Variants in RNF220 observed in about 807,000 individuals in gnomAD.
The protein encoded by RNF220 is ring finger protein 220, also known as E3 ubiquitin-protein ligase RNF220.
In RNF220, 7 loss-of-function variants were observed where a neutral mutation model predicts 67.1. That is an observed-to-expected ratio of 0.10 (90% CI 0.06 to 0.20). The LOEUF is 0.20. RNF220 is among the 10% of genes least tolerant of loss of function. The pLI, the probability that RNF220 is intolerant of heterozygous loss-of-function variation, is 1.00. For missense variants in RNF220, 565 were observed against 740.3 expected (o/e 0.76, Z 2.75); for synonymous variants, 270 against 283.2 (o/e 0.95, Z 0.47).
chr1:44,439,971 A>G (rs1358395862), intron 2 of RNF220, among the ~76,000 whole-genome samples: 1 of 152,194 alleles, frequency 6.6e-6, no homozygotes, highest in African/African-American at 2.4e-5. Flanking sequence ...GGGACACAGG[A>G]TATGCATCCT....
intron 2 of RNF220, among the ~76,000 whole-genome samples, chr1:44,511,916 C>CGTGTGTGTGTGTGTGTGTGTGT (rs71728249): frequency 1.2e-4 from 18 of 147,766 alleles, no homozygotes; most frequent in African/African-American, 3.3e-4. Context: ...CGTGTGTGTG[C>CGTGTGTGTGTGTGTGTGTGTGT]GTGTGTGTGT....
intron 2 of RNF220, among the ~76,000 whole-genome samples, chr1:44,555,356 C>T (rs1370444349): frequency 6.6e-6 from 1 of 152,124 alleles, no homozygotes; most frequent in East Asian, 1.9e-4. Flanking sequence ...GGGTGAGCCA[C>T]TCCACCCGGC....
At chr1:44,586,767 C>T (rs989266030) in intron 2 of RNF220, among the ~76,000 whole-genome samples, 4 of 152,106 alleles carry the variant, frequency 2.6e-5, no homozygotes, top group Admixed American at 2.0e-4. Context: ...ATCGCAAGGG[C>T]AAGGTCCCTG....
intron 2 of RNF220, among the ~76,000 whole-genome samples, chr1:44,506,550 G>A (rs1257612645): frequency 2.0e-5 from 3 of 152,236 alleles, no homozygotes; most frequent in African/African-American, 7.2e-5. Flanking sequence ...TGCCCCTGGG[G>A]GTCATCTATC....
At chr1:44,539,513 G>A (rs529267795) in intron 2 of RNF220, among the ~76,000 whole-genome samples, 10 of 152,306 alleles carry the variant, frequency 6.6e-5, no homozygotes, top group East Asian at 1.9e-4. Flanking sequence ...GGAGCCCACC[G>A]TCAAGGAGCT....
At chr1:44,597,464 TCATGCACACA>T (rs1666583876) in intron 2 of RNF220, among the ~76,000 whole-genome samples, 1 of 90,584 alleles carries the variant, frequency 1.1e-5, no homozygotes, top group Non-Finnish European at 2.2e-5. Flanking sequence ...TCTCTCTCTC[TCATGCACACA>T]CACACACACA....
intron 2 of RNF220, among the ~76,000 whole-genome samples, chr1:44,451,819 C>T (rs1438858242): frequency 6.6e-6 from 1 of 152,106 alleles, no homozygotes; most frequent in Admixed American, 6.5e-5. Flanking sequence ...TGGGGTTTCA[C>T]CATGTTGGCC....
At chr1:44,611,802 A>G (rs552524233) in intron 2 of RNF220, among the ~76,000 whole-genome samples, 6 of 152,208 alleles carry the variant, frequency 3.9e-5, no homozygotes, top group Non-Finnish European at 5.9e-5. Flanking sequence ...AGTTTCTCCT[A>G]GAATAATACC....
rs150690795 is a variant in RNF220, at chr1:44,513,478, TA to T, written c.626-100678del. ...GACAGGGGCCAAATAAAGGCCCTTTTAAAAAAAAACACACAAAACAATTTTG... is the reference window on the plus strand; with the variant it reads ...GACAGGGGCCAAATAAAGGCCCTTTTAAAAAAAACACACAAAACAATTTTG... On this transcript the variant is annotated intron_variant, in intron 2 of 14. Coordinates refer to ENST00000361799, the MANE Select transcript of RNF220 (RefSeq NM_018150.4). Among the ~76,000 whole-genome samples the T allele has an allele frequency of 5.4e-3, 813 of 151,616 alleles. 7 individuals carry two copies. Among genetic ancestry groups the T allele is most frequent in the African/African-American group, 0.019 (771 of 41,364 alleles).
chr1:44,609,750 T>C (rs1283736803), intron 2 of RNF220, among the ~76,000 whole-genome samples: 2 of 152,174 alleles, frequency 1.3e-5, no homozygotes, highest in Non-Finnish European at 2.9e-5. Flanking sequence ...TGACCTCTTC[T>C]CTCCTCCTCG....
At chr1:44,523,854 G>C (rs1660139289) in intron 2 of RNF220, among the ~76,000 whole-genome samples, 1 of 152,360 alleles carries the variant, frequency 6.6e-6, no homozygotes, top group East Asian at 1.9e-4. Context: ...CTGAGACATA[G>C]CTGCAGGTGC....
intron 2 of RNF220, among the ~76,000 whole-genome samples, chr1:44,427,446 A>G (rs140051824): frequency 6.6e-6 from 1 of 152,316 alleles, no homozygotes; most frequent in East Asian, 1.9e-4. Context: ...CCCACTCACA[A>G]GCCCTTTTCA....
At position 44,412,268 on chromosome 1, in the gene RNF220, C is replaced by T. The variant is rs747556678; in HGVS notation, c.171C>T (p.Asp57=). Residue 57 remains aspartate, a synonymous_variant, in exon 2 of 15, where the codon GAC becomes GAT. Coordinates refer to ENST00000361799, the MANE Select transcript of RNF220 (RefSeq NM_018150.4). This position sits in a 1 kb window ranked among gnomAD's most constrained non-coding sequence, Gnocchi z 5.3. ...GTGTACCTGTCTCAGTTGACAAGGA[C>T]GTGCATATTCCTTTCACCAACGGTT... The part of the protein sequence containing the change: ...PFGVPVSVDK[D]VHIPFTNGSY... 1.1e-5 allele frequency: 17 copies of T among 1,614,106 alleles called. No homozygotes were observed. Among genetic ancestry groups the T allele is most frequent in the South Asian group, 5.5e-5 (5 of 91,092 alleles).
chr1:44,642,812 G>C (rs186929106), intron 8 of RNF220, among the ~76,000 whole-genome samples: 1 of 152,304 alleles, frequency 6.6e-6, no homozygotes, highest in African/African-American at 2.4e-5. Flanking sequence ...GGGCCAGGCC[G>C]AGCAGAAGAT....
In RNF220 at chr1:44,552,946, G is replaced by A. The variant is rs1362632226; in HGVS notation, c.626-61219G>A. 4.6e-5 allele frequency among the ~76,000 whole-genome samples: 7 copies of A among 152,142 alleles called. No individual in the cohort carries two copies. The South Asian group carries it at 1.0e-3, about 23-fold the overall frequency. On this transcript the variant is annotated intron_variant, in intron 2 of 14. Coordinates refer to ENST00000361799, the MANE Select transcript of RNF220 (RefSeq NM_018150.4). Reference sequence around the variant, plus strand: ...CTTTTCCAGCCTAATCTCTCACCACGCCCCGCCTTGAGCTACAAATTCCAG... The same window carrying A: ...CTTTTCCAGCCTAATCTCTCACCACACCCCGCCTTGAGCTACAAATTCCAG...
intron 2 of RNF220, among the ~76,000 whole-genome samples, chr1:44,535,133 T>A (rs1050189237): frequency 1.5e-5 from 2 of 135,426 alleles, no homozygotes; most frequent in African/African-American, 5.3e-5. Flanking sequence ...AGGCAGCTTC[T>A]TCTTTTTTTT....
intron 3 of RNF220, among the ~76,000 whole-genome samples, chr1:44,619,969 G>T (rs1643726296): frequency 6.6e-6 from 1 of 152,240 alleles, no homozygotes; most frequent in Non-Finnish European, 1.5e-5. Context: ...ATCCAGAGGA[G>T]TGGATCGCCA....
At chr1:44,485,213 C>T (rs1305332256) in intron 2 of RNF220, among the ~76,000 whole-genome samples, 1 of 152,192 alleles carries the variant, frequency 6.6e-6, no homozygotes, top group East Asian at 1.9e-4. Flanking sequence ...GGCTGAGAAA[C>T]CCCTGCCTGA....
At chr1:44,607,901 G>GAT (rs1667393676) in intron 2 of RNF220, among the ~76,000 whole-genome samples, 1 of 149,612 alleles carries the variant, frequency 6.7e-6, no homozygotes, top group South Asian at 2.1e-4. Flanking sequence ...CAGACCAGAT[G>GAT]ATATACTCCC....
Sources: gnomAD v4.1 joint callset for allele counts (sites outside exome capture counted in the v4.1 genomes callset) on GRCh38, gnomAD v4.1.1 for gene constraint, Gnocchi (gnomAD v3.1) non-coding constraint, MANE v1.5 for transcripts, NCBI Gene and HGNC (gene_info 2026-07-23, HGNC 2026-07-21) for gene names.